Variants in SERPINI1 observed in about 807,000 individuals in gnomAD.
SERPINI1 encodes the protein neuroserpin.
A neutral mutation model predicts 41.1 loss-of-function variants in SERPINI1; 19 were observed. The ratio of observed to expected loss-of-function variants is 0.46; its 90% confidence interval spans 0.32 to 0.68. SERPINI1 has a LOEUF of 0.68. Ranked by LOEUF, SERPINI1 falls within the 30% of genes least tolerant of loss-of-function variation. The pLI, the probability that SERPINI1 is intolerant of heterozygous loss-of-function variation, is 0.03. For missense variants in SERPINI1, 460 were observed against 479.2 expected (o/e 0.96, Z 0.37); for synonymous variants, 138 against 156.6 (o/e 0.88, Z 0.89).
chr3:167,825,208 T>G, intron 8 of SERPINI1, 39 bp from the exon 9 acceptor site: 1 of 1,211,412 alleles, frequency 8.3e-7, no homozygotes, highest in Admixed American at 1.7e-5. Context: ...TTTATTATTT[T>G]GTTCACCCCC....
intron 5 of SERPINI1, among the ~76,000 whole-genome samples, chr3:167,804,060 A>T (rs1192422060): frequency 6.6e-6 from 1 of 152,218 alleles, no homozygotes; most frequent in Non-Finnish European, 1.5e-5. Context: ...ATTGTCTGAG[A>T]CATTCTGTAT....
chr3:167,769,195 T>C (rs1271602437), intron 1 of SERPINI1, among the ~76,000 whole-genome samples: 1 of 152,116 alleles, frequency 6.6e-6, no homozygotes, highest in East Asian at 1.9e-4. Context: ...GGTTTCACCA[T>C]GTTGGCCAGG....
intron 1 of SERPINI1, among the ~76,000 whole-genome samples, chr3:167,762,447 T>C (rs530738688): frequency 1.3e-4 from 20 of 152,278 alleles, no homozygotes; most frequent in African/African-American, 4.8e-4. Flanking sequence ...TCAAGAGTTT[T>C]CTTTGCTCAG....
At chr3:167,792,865 C>T in intron 4 of SERPINI1, 81 bp downstream of exon 4, 1 of 1,212,310 alleles carries the variant, frequency 8.2e-7, no homozygotes. Flanking sequence ...CATTCATATT[C>T]AAACTCCTTG....
At chr3:167,814,801 G>A (rs1366028137) in intron 6 of SERPINI1, among the ~76,000 whole-genome samples, 1 of 152,064 alleles carries the variant, frequency 6.6e-6, no homozygotes, top group Non-Finnish European at 1.5e-5. Context: ...GGGAACCTAG[G>A]GTTTACTGGC....
At chr3:167,771,418 C>T (rs6804812) in intron 1 of SERPINI1, among the ~76,000 whole-genome samples, 19,534 of 151,854 alleles carry the variant, frequency 0.13, 1,526 homozygotes, top group African/African-American at 0.21. Flanking sequence ...CCAGTGTATA[C>T]GAATGTATAT....
chr3:167,744,833 T>C (rs894487286), intron 1 of SERPINI1, among the ~76,000 whole-genome samples: 8 of 121,208 alleles, frequency 6.6e-5, no homozygotes, highest in Admixed American at 5.5e-4. Context: ...ATATAATATA[T>C]ATATTATATA....
intron 4 of SERPINI1, among the ~76,000 whole-genome samples, chr3:167,794,158 G>C (rs1437787374): frequency 6.6e-6 from 1 of 151,880 alleles, no homozygotes; most frequent in Non-Finnish European, 1.5e-5. Context: ...GCTTTTCATT[G>C]TTTCTAATGC....
intron 8 of SERPINI1, 124 bp from the exon 9 acceptor site, chr3:167,825,119 AGGAG>A (rs1464394717): frequency 2.1e-5 from 15 of 730,952 alleles, no homozygotes; most frequent in South Asian, 1.6e-4. Flanking sequence ...AAGGAAGGAC[AGGAG>A]GAAGGAAGGA....
At chr3:167,743,262 T>C (rs1389239387) in intron 1 of SERPINI1, among the ~76,000 whole-genome samples, 1 of 152,166 alleles carries the variant, frequency 6.6e-6, no homozygotes, top group Non-Finnish European at 1.5e-5. Flanking sequence ...AATGGTGTTA[T>C]TATCCATTTC....
intron 6 of SERPINI1, among the ~76,000 whole-genome samples, chr3:167,807,713 G>A (rs766662376): frequency 6.6e-5 from 10 of 152,126 alleles, no homozygotes; most frequent in Admixed American, 1.3e-4. Context: ...AGAAAGAAGG[G>A]AGGATAAATG....
Position 167,807,198 on chromosome 3 carries a change from A to G in SERPINI1, c.882-46A>G, listed in dbSNP as rs776930346. On this transcript the variant is annotated intron_variant, in intron 5 of 8. Coordinates refer to ENST00000446050, the MANE Select transcript of SERPINI1 (RefSeq NM_001122752.2). ...CTAACACTTTGTTCTTGTTCCAGGTAACAAGATGCTCTAACTAAATATTTT... is the reference window on the plus strand; with the variant it reads ...CTAACACTTTGTTCTTGTTCCAGGTGACAAGATGCTCTAACTAAATATTTT... 4.0e-6 allele frequency: 5 copies of G among 1,237,454 alleles called. No homozygotes were observed. The Admixed American group carries it at 8.4e-5, about 21-fold the overall frequency. 76.7% of individuals were successfully genotyped at this position (1,237,454 alleles called of 1,614,324 possible).
chr3:167,738,222 G>A (rs1725548217), intron 1 of SERPINI1, among the ~76,000 whole-genome samples: 1 of 152,138 alleles, frequency 6.6e-6, no homozygotes, highest in East Asian at 1.9e-4. Flanking sequence ...TATGTATGAT[G>A]AGAAAGGAAA....
At chr3:167,771,260 G>A (rs532432963) in intron 1 of SERPINI1, among the ~76,000 whole-genome samples, 7 of 152,208 alleles carry the variant, frequency 4.6e-5, no homozygotes, top group Non-Finnish European at 8.8e-5. Context: ...GTAAGGTTGC[G>A]ATAATCTAAA....
chr3:167,806,986 G>T (rs1711668790), intron 5 of SERPINI1, among the ~76,000 whole-genome samples: 1 of 151,992 alleles, frequency 6.6e-6, no homozygotes, highest in Admixed American at 6.6e-5. Flanking sequence ...CTCATTTGTT[G>T]TACCATATAT....
intron 1 of SERPINI1, among the ~76,000 whole-genome samples, chr3:167,775,263 T>TATC (rs1726929628): frequency 6.8e-6 from 1 of 146,060 alleles, no homozygotes; most frequent in African/African-American, 2.5e-5. Flanking sequence ...TTATTATTAT[T>TATC]ATTATTATTA....
intron 1 of SERPINI1, among the ~76,000 whole-genome samples, chr3:167,753,751 A>G (rs1726114380): frequency 6.6e-6 from 1 of 152,234 alleles, no homozygotes. Context: ...CTTGCCTAGA[A>G]CCAATGTCAC....
At chr3:167,771,860 C>T (rs6807622) in intron 1 of SERPINI1, among the ~76,000 whole-genome samples, 19,517 of 152,160 alleles carry the variant, frequency 0.13, 1,517 homozygotes, top group African/African-American at 0.21. Flanking sequence ...CGCACGCGCA[C>T]GCACATGCAC....
At position 167,789,270 on chromosome 3, in the gene SERPINI1, T is replaced by TTC; in HGVS notation, c.147_148dup (p.Pro50LeufsTer3). Reference sequence around the variant, plus strand: ...CACTGGTGAAGATGAAAATATTCTCTTCTCTCCATTGAGTATTGCTCTTGC... The same window carrying TTC: ...CACTGGTGAAGATGAAAATATTCTCTTCTCTCTCCATTGAGTATTGCTCTTGC... On this transcript the variant is annotated frameshift_variant, in exon 2 of 9. Coordinates refer to ENST00000446050, the MANE Select transcript of SERPINI1 (RefSeq NM_001122752.2). LOFTEE classifies it high-confidence loss of function. The TTC allele has an allele frequency of 6.2e-7, 1 of 1,614,166 alleles. No individual in the cohort carries two copies. The highest frequency in any genetic ancestry group is 8.5e-7 in the Non-Finnish European group (1 of 1,180,006).
Sources: allele counts gnomAD v4.1 joint callset (sites outside exome capture counted in the v4.1 genomes callset), GRCh38; gene constraint gnomAD v4.1.1; transcripts MANE v1.5; gene names NCBI Gene and HGNC (gene_info 2026-07-23, HGNC 2026-07-21).